The following NRG3 variants were observed in gnomAD, a reference collection of about 807,000 sequenced individuals.
NRG3 encodes the protein pro-neuregulin-3, membrane-bound isoform.
In NRG3, 31 loss-of-function variants were observed where a neutral mutation model predicts 66.9. The observed-to-expected ratio is 0.46, with a 90% confidence interval of 0.35 to 0.63. NRG3 has a LOEUF of 0.63. Ranked by LOEUF, NRG3 falls within the 20% of genes least tolerant of loss-of-function variation. The pLI is 0.00. For missense variants in NRG3, 910 were observed against 878.9 expected (o/e 1.04, Z -0.45); for synonymous variants, 393 against 359.4 (o/e 1.09, Z -1.06).
intron 1 of NRG3, among the ~76,000 whole-genome samples, chr10:82,212,126 T>C (rs2075425660): frequency 6.6e-6 from 1 of 152,192 alleles, no homozygotes; most frequent in Admixed American, 6.5e-5. Context: ...ATGATCATTT[T>C]ATGTTAGTTT....
intron 3 of NRG3, among the ~76,000 whole-genome samples, chr10:82,806,158 A>G (rs1188662313): frequency 6.6e-6 from 1 of 152,168 alleles, no homozygotes; most frequent in Admixed American, 6.5e-5. Flanking sequence ...AGCAAGTGAC[A>G]CCTCAGGGAA....
chr10:82,190,927 G>GGAA (rs1362248544), intron 1 of NRG3, among the ~76,000 whole-genome samples: 1 of 152,130 alleles, frequency 6.6e-6, no homozygotes, highest in African/African-American at 2.4e-5. Flanking sequence ...AGTAGAGACA[G>GGAA]GAATGAATAT....
chr10:82,362,600 G>C lies in NRG3; in HGVS notation c.953+3732G>C, dbSNP rs141142194. Reference sequence around the variant, plus strand: ...AAATGGGGCCTCACTAGGTTGCCCAGGCTGGTCTCCAACTCCTGGACTTAA... The same window carrying C: ...AAATGGGGCCTCACTAGGTTGCCCACGCTGGTCTCCAACTCCTGGACTTAA... On this transcript the variant is annotated intron_variant, in intron 2 of 8. Transcript: ENST00000372141. 5.1e-3 allele frequency among the ~76,000 whole-genome samples: 693 copies of C among 135,778 alleles called. 6 individuals are homozygous for C. The highest frequency in any genetic ancestry group is 0.018 in the African/African-American group (665 of 36,356). The allele number at this position is 135,778 out of a possible 152,430, so 89.1% of individuals were successfully genotyped here.
At chr10:82,030,562 C>T (rs749578628) in intron 1 of NRG3, among the ~76,000 whole-genome samples, 1 of 151,926 alleles carries the variant, frequency 6.6e-6, no homozygotes, top group Non-Finnish European at 1.5e-5. Flanking sequence ...AGGGAGAAAA[C>T]GTGATTCATA....
Position 82,014,978 on chromosome 10 carries a change from A to G in NRG3, c.823+138815A>G, listed in dbSNP as rs528972214. ...TTAATGAAGAAATGCTGGATTCTGC[A>G]GTAAGCTTTCTGGGAGTCTCCACTC... On this transcript the variant is annotated intron_variant, in intron 1 of 8. Transcript: ENST00000372141. Among the ~76,000 whole-genome samples the G allele has an allele frequency of 9.8e-5, 15 of 152,302 alleles. No homozygotes were observed. In the East Asian group the frequency reaches 1.2e-3, roughly 12 times the overall value.
chr10:82,487,591 T>C (rs1182381038), intron 2 of NRG3, among the ~76,000 whole-genome samples: 1 of 152,200 alleles, frequency 6.6e-6, no homozygotes, highest in East Asian at 1.9e-4. Context: ...TTCATGTGAA[T>C]CTCTTTTTAG....
intron 1 of NRG3, among the ~76,000 whole-genome samples, chr10:82,082,770 C>T (rs1043492612): frequency 4.6e-5 from 7 of 152,120 alleles, no homozygotes; most frequent in Non-Finnish European, 2.9e-5. Flanking sequence ...CTCCAAAGAT[C>T]CCTTCTGGTT....
chr10:82,479,052 C>A (rs1399534475), intron 2 of NRG3, among the ~76,000 whole-genome samples: 1 of 152,108 alleles, frequency 6.6e-6, no homozygotes, highest in Non-Finnish European at 1.5e-5. Flanking sequence ...ATCCACTATC[C>A]AATTTAATAT....
intron 2 of NRG3, among the ~76,000 whole-genome samples, chr10:82,435,106 C>T (rs1202992110): frequency 6.6e-6 from 1 of 152,094 alleles, no homozygotes; most frequent in Non-Finnish European, 1.5e-5. Context: ...CTATTCATTA[C>T]TGCCTCTGTT....
At chr10:82,704,695 A>G (rs1052881846) in intron 2 of NRG3, among the ~76,000 whole-genome samples, 4 of 152,192 alleles carry the variant, frequency 2.6e-5, no homozygotes, top group Non-Finnish European at 2.9e-5. Flanking sequence ...TCAAATAAGC[A>G]TATTTGACCA....
chr10:82,772,848 A>C (rs1214191696), intron 3 of NRG3, among the ~76,000 whole-genome samples: 3 of 151,546 alleles, frequency 2.0e-5, no homozygotes, highest in African/African-American at 7.3e-5. Context: ...TGGGGGAACA[A>C]ACATGTGCCA....
At chr10:82,658,987 G>A (rs2052096141) in intron 2 of NRG3, among the ~76,000 whole-genome samples, 1 of 152,120 alleles carries the variant, frequency 6.6e-6, no homozygotes, top group Admixed American at 6.5e-5. Context: ...GAATGAGGAG[G>A]CTATAATTGT....
At chr10:82,367,469 T>C (rs375061426) in intron 2 of NRG3, among the ~76,000 whole-genome samples, 182 of 152,238 alleles carry the variant, frequency 1.2e-3, no homozygotes, top group African/African-American at 4.1e-3. Flanking sequence ...TTTGTACTAG[T>C]CTGATTATTT....
At chr10:81,961,817 T>G (rs1192902480) in intron 1 of NRG3, among the ~76,000 whole-genome samples, 1 of 152,256 alleles carries the variant, frequency 6.6e-6, no homozygotes, top group Admixed American at 6.5e-5. Context: ...GAGTTTATTC[T>G]CTATGAACTT....
intron 1 of NRG3, among the ~76,000 whole-genome samples, chr10:82,319,364 T>C (rs2081442950): frequency 6.6e-6 from 1 of 152,172 alleles, no homozygotes; most frequent in Non-Finnish European, 1.5e-5. Context: ...TATATGAAAA[T>C]ACCACTGTGG....
At chr10:82,952,471 C>CTCTG (rs1454945180) in intron 5 of NRG3, among the ~76,000 whole-genome samples, 2,074 of 98,732 alleles carry the variant, frequency 0.021, 42 homozygotes, top group Non-Finnish European at 0.03. Flanking sequence ...CTCTCTCTCT[C>CTCTG]TGTGTGTGTG....
intron 3 of NRG3, among the ~76,000 whole-genome samples, chr10:82,830,136 G>T (rs2062444959): frequency 6.6e-6 from 1 of 152,156 alleles, no homozygotes; most frequent in African/African-American, 2.4e-5. Context: ...ACTGAAACTA[G>T]AACTTCTCTT....
chr10:82,117,786 C>A (rs960941569), intron 1 of NRG3, among the ~76,000 whole-genome samples: 1 of 152,128 alleles, frequency 6.6e-6, no homozygotes, highest in Non-Finnish European at 1.5e-5. Context: ...TATACTCTGT[C>A]TCCTAGATCA....
rs369238297 is a variant in NRG3 at position 82,673,025 on chromosome 10, A to G, written c.954-65552A>G. ...CTCAGCCTCCCAAAGTGTTGGGATT[A>G]CAGGCGTGAGCCACCGTGCCCAGCC... On this transcript the variant is annotated intron_variant, in intron 2 of 8. Transcript: ENST00000372141. Among the ~76,000 whole-genome samples the G allele has an allele frequency of 2.6e-4, 39 of 152,320 alleles. No homozygotes were observed. In the East Asian group the frequency reaches 7.3e-3, roughly 29 times the overall value.
Sources: gnomAD v4.1 joint callset for allele counts (sites outside exome capture counted in the v4.1 genomes callset) on GRCh38, gnomAD v4.1.1 for gene constraint, MANE v1.5 for transcripts, NCBI Gene and HGNC (gene_info 2026-07-23, HGNC 2026-07-21) for gene names.